Variants in COL22A1 observed in about 807,000 individuals in gnomAD.
The protein encoded by COL22A1 is collagen alpha-1(XXII) chain.
Under a neutral mutation model 248.9 loss-of-function variants are expected in COL22A1, and 221 were observed. The observed-to-expected ratio is 0.89, with a 90% CI of 0.80 to 0.99. COL22A1 has a LOEUF of 0.99. Among genes scored for constraint, COL22A1 ranks in the 50% least tolerant of loss-of-function variants. COL22A1 has a pLI of 0.00. For synonymous variants in COL22A1, 891 were observed against 793.4 expected (o/e 1.12, Z -2.07); for missense variants, 2,240 against 2,179.0 (o/e 1.03, Z -0.56).
intron 56 of COL22A1, among the ~76,000 whole-genome samples, chr8:138,613,204 C>T (rs1243998231): frequency 5.3e-5 from 8 of 149,668 alleles, no homozygotes; most frequent in Admixed American, 2.0e-4. Flanking sequence ...GCGGAGATCA[C>T]GCCAGTGCAC....
chr8:138,832,844 G>A (rs764385175), intron 5 of COL22A1, among the ~76,000 whole-genome samples, 195 bp downstream of exon 5: 7 of 152,242 alleles, frequency 4.6e-5, no homozygotes, highest in Admixed American at 6.5e-5. Context: ...TGAAGTCAAT[G>A]ATAATAGATT....
intron 44 of COL22A1, among the ~76,000 whole-genome samples, chr8:138,658,315 T>C (rs1413986010): frequency 6.6e-6 from 1 of 152,236 alleles, no homozygotes; most frequent in Non-Finnish European, 1.5e-5. Flanking sequence ...TCCTGCCTGG[T>C]AAGAGTGTCT....
rs1396092958 is a variant in COL22A1 at position 138,913,655 on chromosome 8, C to CA, written c.-110dup. On this transcript the variant is annotated 5_prime_UTR_variant, in exon 1 of 65. Coordinates refer to ENST00000303045, the MANE Select transcript of COL22A1 (RefSeq NM_152888.3). ...GCACTCAGGGGTGCCAGCGGAGGTCCAGTCCTGGGCCCAGGCCCACTGGAA... is the reference window on the plus strand; with the variant it reads ...GCACTCAGGGGTGCCAGCGGAGGTCCAAGTCCTGGGCCCAGGCCCACTGGAA... 3 of 152,542 alleles carry CA rather than the reference C, an allele frequency of 2.0e-5. No individual in the cohort carries two copies. The highest frequency in any genetic ancestry group is 7.2e-5 in the African/African-American group (3 of 41,450). The allele number at this position is 152,542 out of a possible 1,614,324, so 9.4% of individuals were successfully genotyped here. A position where few individuals can be genotyped will look rare whatever the true frequency, so the allele number is the denominator to read the frequency against.
intron 48 of COL22A1, among the ~76,000 whole-genome samples, 181 bp from the exon 49 acceptor site, chr8:138,635,244 T>C (rs1399644410): frequency 6.6e-6 from 1 of 152,086 alleles, no homozygotes; most frequent in Non-Finnish European, 1.5e-5. Context: ...ACTGACAACA[T>C]TTATAAAAAC....
chr8:138,842,569 T>C (rs1475387419), intron 4 of COL22A1, among the ~76,000 whole-genome samples: 1 of 152,232 alleles, frequency 6.6e-6, no homozygotes, highest in East Asian at 1.9e-4. Context: ...TCGCTGGGGA[T>C]TACCAAGGCA....
chr8:138,819,570 A>G (rs1818934589), intron 7 of COL22A1, among the ~76,000 whole-genome samples: 1 of 148,630 alleles, frequency 6.7e-6, no homozygotes, highest in South Asian at 2.1e-4. Context: ...GATATAAATT[A>G]TATGTATCTA....
intron 39 of COL22A1, among the ~76,000 whole-genome samples, chr8:138,680,626 G>A (rs1428988855): frequency 6.6e-6 from 1 of 152,082 alleles, no homozygotes; most frequent in East Asian, 1.9e-4. Context: ...CAGCACCTGG[G>A]ACAGTACCAG....
intron 13 of COL22A1, among the ~76,000 whole-genome samples, chr8:138,780,624 C>T (rs79155664): frequency 0.012 from 1,865 of 152,262 alleles, 41 homozygotes; most frequent in African/African-American, 0.042. Context: ...TCCATTGCCT[C>T]GCTGGGGCTA....
intron 39 of COL22A1, among the ~76,000 whole-genome samples, chr8:138,680,113 A>C (rs1825846250): frequency 1.3e-5 from 2 of 152,226 alleles, no homozygotes; most frequent in African/African-American, 4.8e-5. Context: ...AAGAGCAAAA[A>C]TATCTTAATG....
At chr8:138,746,431 G>T (rs1173377369) in intron 22 of COL22A1, among the ~76,000 whole-genome samples, 1 of 152,208 alleles carries the variant, frequency 6.6e-6, no homozygotes, top group Non-Finnish European at 1.5e-5. Context: ...TCCTGACTCA[G>T]CTAGAGAGCG....
intron 22 of COL22A1, among the ~76,000 whole-genome samples, chr8:138,744,185 T>G (rs1054937312): frequency 2.0e-5 from 3 of 152,132 alleles, no homozygotes; most frequent in Non-Finnish European, 4.4e-5. Flanking sequence ...AAAGAGATTT[T>G]AGAATGAAAA....
At chr8:138,751,760 C>T (rs886126804) in intron 21 of COL22A1, among the ~76,000 whole-genome samples, 2 of 152,198 alleles carry the variant, frequency 1.3e-5, no homozygotes, top group African/African-American at 4.8e-5. Context: ...ATACTGAGTA[C>T]TGTAAGCATC....
At chr8:138,806,032 G>GTATGTT (rs1563788005) in intron 10 of COL22A1, among the ~76,000 whole-genome samples, 1 of 58,952 alleles carries the variant, frequency 1.7e-5, no homozygotes, top group Non-Finnish European at 3.5e-5. Context: ...GTGTGTGGTT[G>GTATGTT]TGTGTGTGAT....
intron 56 of COL22A1, among the ~76,000 whole-genome samples, chr8:138,609,046 C>A (rs555300792): frequency 6.6e-6 from 1 of 152,214 alleles, no homozygotes; most frequent in East Asian, 1.9e-4. Flanking sequence ...CTCTAATGTG[C>A]GAAGCATGCA....
At chr8:138,743,556 T>A (rs1051023931) in intron 22 of COL22A1, among the ~76,000 whole-genome samples, 1 of 152,082 alleles carries the variant, frequency 6.6e-6, no homozygotes, top group Admixed American at 6.6e-5. Context: ...GCAACTCTAG[T>A]AAAGGTAGAT....
At chr8:138,743,177 ATGG>A (rs1246951662) in intron 22 of COL22A1, among the ~76,000 whole-genome samples, 2 of 143,780 alleles carry the variant, frequency 1.4e-5, no homozygotes, top group African/African-American at 2.6e-5. Context: ...CACGATGGTG[ATGG>A]TGGAGTTGAT....
At chr8:138,630,823 C>T in intron 49 of COL22A1, 75 bp from the exon 50 acceptor site, 2 of 1,272,358 alleles carry the variant, frequency 1.6e-6, no homozygotes, top group South Asian at 2.4e-5. Flanking sequence ...GCTTTGAATA[C>T]AAAGCAATTG....
At chr8:138,870,728 G>A (rs1823270401) in intron 3 of COL22A1, among the ~76,000 whole-genome samples, 1 of 151,810 alleles carries the variant, frequency 6.6e-6, no homozygotes, top group African/African-American at 2.4e-5. Context: ...TATGTGTGGT[G>A]TGCATAGTGT....
At chr8:138,662,807 C>T (rs1297338530) in intron 42 of COL22A1, among the ~76,000 whole-genome samples, 1 of 152,158 alleles carries the variant, frequency 6.6e-6, no homozygotes, top group Non-Finnish European at 1.5e-5. Context: ...TCTATCAGTT[C>T]ACTACGTAGT....
Sources: allele counts gnomAD v4.1 joint callset (sites outside exome capture counted in the v4.1 genomes callset), GRCh38; gene constraint gnomAD v4.1.1; transcripts MANE v1.5; gene names NCBI Gene and HGNC (gene_info 2026-07-23, HGNC 2026-07-21).